PCDHGB7: variants seen among roughly 807,000 people sequenced by gnomAD.
The protein encoded by PCDHGB7 is protocadherin gamma-B7.
Under a neutral mutation model 61.4 loss-of-function variants are expected in PCDHGB7, and 37 were observed. The ratio of observed to expected loss-of-function variants is 0.60; its 90% CI spans 0.46 to 0.79. PCDHGB7 has a LOEUF of 0.79. Ranked by LOEUF, PCDHGB7 falls within the 30% of genes least tolerant of loss-of-function variation. The pLI is 0.00. For missense variants in PCDHGB7, 1,166 were observed against 1,202.5 expected, an observed-to-expected ratio of 0.97 and a Z score of 0.45; for synonymous variants, 464 against 503.5, an observed-to-expected ratio of 0.92 and a Z score of 1.05.
Position 141,447,676 on chromosome 5 carries a change from C to T in PCDHGB7, c.2415+27402C>T, listed in dbSNP as rs1466767844. Among the ~76,000 whole-genome samples the T allele has an allele frequency of 2.6e-5, 4 of 152,104 alleles. No individual in the cohort carries two copies. The East Asian group carries it at 7.7e-4, about 29-fold the overall frequency. On this transcript the variant is annotated intron_variant, in intron 1 of 3. Coordinates refer to ENST00000398594, the MANE Select transcript of PCDHGB7 (RefSeq NM_018927.4). The stretch of plus-strand genomic sequence containing the variant: ...CCCCCCCAGGAAGTTAGAACTGTTC[C>T]ATATCTTGATAGAGGGATGGGTTAT...
intron 1 of PCDHGB7, among the ~76,000 whole-genome samples, chr5:141,457,620 A>G (rs2098925834): frequency 6.6e-6 from 1 of 152,234 alleles, no homozygotes; most frequent in Admixed American, 6.5e-5. Flanking sequence ...ATGAACTTTA[A>G]TCTTATACTT....
rs564486909 is a variant in PCDHGB7, at chr5:141,428,072, G to A, written c.2415+7798G>A. The A allele has an allele frequency of 1.6e-5, 25 of 1,609,080 alleles. No individual in the cohort carries two copies. The South Asian group carries it at 1.9e-4, about 12-fold the overall frequency. On this transcript the variant is annotated intron_variant, in intron 1 of 3. Coordinates refer to ENST00000398594, the MANE Select transcript of PCDHGB7 (RefSeq NM_018927.4). The stretch of plus-strand genomic sequence containing the variant: ...AGGTGGTGGCGGTGGACGCAGATTC[G>A]GGACACAACGCTTGGCTGTCCTACC...
In PCDHGB7 at chr5:141,432,661, C is replaced by T; in HGVS notation, c.2415+12387C>T. ...TGCGCACGGCGCGAGCCCTGCTGGACAGAGACGCGCTCAAGCAGAGCCTCG... is the reference window on the plus strand; with the variant it reads ...TGCGCACGGCGCGAGCCCTGCTGGATAGAGACGCGCTCAAGCAGAGCCTCG... On this transcript the variant is annotated intron_variant, in intron 1 of 3. Transcript: ENST00000398594. This position sits in a 1 kb window ranked among gnomAD's most constrained non-coding sequence, Gnocchi z 6.0. 3.1e-6 allele frequency: 5 copies of T among 1,613,886 alleles called. No homozygotes were observed. In the South Asian group the frequency reaches 5.5e-5, roughly 18 times the overall value.
In PCDHGB7 at chr5:141,431,202, C is replaced by T. The variant is rs2097350864; in HGVS notation, c.2415+10928C>T. The stretch of plus-strand genomic sequence containing the variant: ...ATAAAAATTAGTGAAAATGCAGCCA[C>T]TGAGATGCGGTTCCCTCTACCCCAC... On this transcript the variant is annotated intron_variant, in intron 1 of 3. Coordinates refer to ENST00000398594, the MANE Select transcript of PCDHGB7 (RefSeq NM_018927.4). The surrounding 1 kb of genome is among the most constrained non-coding windows in gnomAD (Gnocchi z 4.8). 6.2e-7 allele frequency: 1 copy of T among 1,614,204 alleles called. No individual in the cohort carries two copies. Among genetic ancestry groups the T allele is most frequent in the Non-Finnish European group, 8.5e-7 (1 of 1,180,052 alleles).
At chr5:141,443,317 C>CA (rs35054295) in intron 1 of PCDHGB7, among the ~76,000 whole-genome samples, 76,100 of 141,790 alleles carry the variant, frequency 0.54, 21,234 homozygotes, top group African/African-American at 0.75. Flanking sequence ...CCCATCTCTA[C>CA]AAAAAAAAAA....
intron 2 of PCDHGB7, among the ~76,000 whole-genome samples, chr5:141,498,828 G>C (rs2099786098): frequency 6.6e-6 from 1 of 152,092 alleles, no homozygotes; most frequent in Non-Finnish European, 1.5e-5. Flanking sequence ...AGCTACTCAG[G>C]AGGCTGAGGC....
chr5:141,432,288 A>C lies in PCDHGB7; in HGVS notation c.2415+12014A>C. ...TCGTCCTACGTGTCCATCAACTCCG[A>C]CACTGGGGTACTGTATGCGCTGAGC... On this transcript the variant is annotated intron_variant, in intron 1 of 3. Coordinates refer to ENST00000398594, the MANE Select transcript of PCDHGB7 (RefSeq NM_018927.4). This position sits in a 1 kb window ranked among gnomAD's most constrained non-coding sequence, Gnocchi z 6.0. 1 of 1,614,192 alleles carries C rather than the reference A, an allele frequency of 6.2e-7. No individual in the cohort carries two copies. Among genetic ancestry groups the C allele is most frequent in the Non-Finnish European group, 8.5e-7 (1 of 1,180,018 alleles).
At chr5:141,482,761 ATT>A (rs2099571906) in intron 1 of PCDHGB7, among the ~76,000 whole-genome samples, 1 of 127,370 alleles carries the variant, frequency 7.9e-6, no homozygotes, top group Admixed American at 7.7e-5. Flanking sequence ...ATGGTATTTC[ATT>A]ATCACTGAAC....
At chr5:141,421,999 T>C in intron 1 of PCDHGB7, 1 of 1,609,214 alleles carries the variant, frequency 6.2e-7, no homozygotes, top group Non-Finnish European at 8.5e-7. Context: ...AAACATCAGC[T>C]CCGGAACTCG....
chr5:141,499,689 C>CTTTTTTTT (rs545067566), intron 2 of PCDHGB7, among the ~76,000 whole-genome samples: 2 of 119,854 alleles, frequency 1.7e-5, no homozygotes, highest in Non-Finnish European at 1.7e-5. Context: ...TAACAGATGA[C>CTTTTTTTT]TTTTTTTTTT....
At chr5:141,510,062 G>GA (rs1448334820) in intron 3 of PCDHGB7, among the ~76,000 whole-genome samples, 1 of 152,150 alleles carries the variant, frequency 6.6e-6, no homozygotes. Flanking sequence ...TTGTGCATGT[G>GA]AAGCATCCAG....
chr5:141,424,052 G>A, intron 1 of PCDHGB7: 1 of 1,012,010 alleles, frequency 9.9e-7, no homozygotes, highest in South Asian at 4.7e-5. Flanking sequence ...CAATTTTGCT[G>A]TGCCTTCACT....
At chr5:141,479,505 G>A (rs2099498324) in intron 1 of PCDHGB7, 1 of 152,262 alleles carries the variant, frequency 6.6e-6, no homozygotes, top group African/African-American at 2.4e-5. Flanking sequence ...CCTAAAGAGG[G>A]GTGAACTGGC....
At chr5:141,427,700 C>A in intron 1 of PCDHGB7, 3 of 945,490 alleles carry the variant, frequency 3.2e-6, no homozygotes, top group South Asian at 2.7e-5. Flanking sequence ...TCCCACAAGT[C>A]AGCGCCTCTG....
intron 1 of PCDHGB7, chr5:141,427,308 G>A (rs2097014480): frequency 2.2e-6 from 1 of 456,846 alleles, no homozygotes; most frequent in Non-Finnish European, 4.4e-6. Flanking sequence ...GAATGACAAT[G>A]CCCCAGACGT....
intron 1 of PCDHGB7, among the ~76,000 whole-genome samples, chr5:141,482,800 G>A (rs10052648): frequency 7.6e-6 from 1 of 130,764 alleles, no homozygotes; most frequent in South Asian, 2.2e-4. Flanking sequence ...GGCCGGGTAC[G>A]GTGGCTCATG....
chr5:141,503,763 T>C (rs1014883264), intron 2 of PCDHGB7, among the ~76,000 whole-genome samples: 1 of 152,174 alleles, frequency 6.6e-6, no homozygotes, highest in Non-Finnish European at 1.5e-5. Context: ...ATGGCAGCCT[T>C]GTGTCTGTTC....
rs1379875429 is a variant in PCDHGB7 at position 141,491,125 on chromosome 5, C to T, written c.2416-3682C>T. 3.1e-6 allele frequency: 5 copies of T among 1,614,020 alleles called. No homozygotes were observed. The highest frequency in any genetic ancestry group is 4.2e-6 in the Non-Finnish European group (5 of 1,179,992). ...CGTGTCTACACACACTGGTGAGGTG[C>T]GCACAGCCCGGGCCTTACTGGAGGA... On this transcript the variant is annotated intron_variant, in intron 1 of 3. Coordinates refer to ENST00000398594, the MANE Select transcript of PCDHGB7 (RefSeq NM_018927.4). The surrounding 1 kb of genome is among the most constrained non-coding windows in gnomAD (Gnocchi z 6.9).
At chr5:141,424,712 G>A (rs2096836283) in intron 1 of PCDHGB7, 1 of 152,126 alleles carries the variant, frequency 6.6e-6, no homozygotes, top group Non-Finnish European at 1.5e-5. Context: ...CATTTTCAGT[G>A]TAGTTGGGAG....
Sources: allele counts gnomAD v4.1 joint callset (sites outside exome capture counted in the v4.1 genomes callset), GRCh38; gene constraint gnomAD v4.1.1; non-coding constraint Gnocchi (gnomAD v3.1); transcripts MANE v1.5; gene names NCBI Gene and HGNC (gene_info 2026-07-23, HGNC 2026-07-21).